PTPRD: variants seen among roughly 807,000 people sequenced by gnomAD.
The protein encoded by PTPRD is receptor-type tyrosine-protein phosphatase delta.
PTPRD carries 34 observed loss-of-function variants against 214.5 expected under a neutral mutation model. The observed-to-expected ratio is 0.16, with a 90% confidence interval of 0.12 to 0.21. The LOEUF is 0.21. Ranked by LOEUF, PTPRD falls within the 10% of genes least tolerant of loss-of-function variation. The pLI is 1.00. For synonymous variants in PTPRD, 1,128 were observed against 845.7 expected, an observed-to-expected ratio of 1.33 and a Z score of -5.79; for missense variants, 2,545 against 2,398.7, an observed-to-expected ratio of 1.06 and a Z score of -1.27.
At chr9:9,228,506 T>A (rs1412750380) in intron 9 of PTPRD, among the ~76,000 whole-genome samples, 1 of 152,128 alleles carries the variant, frequency 6.6e-6, no homozygotes, top group Non-Finnish European at 1.5e-5. Flanking sequence ...TGAATGTGTG[T>A]GATCATATAT....
At chr9:9,139,707 C>T (rs959267888) in intron 10 of PTPRD, among the ~76,000 whole-genome samples, 6 of 152,126 alleles carry the variant, frequency 3.9e-5, no homozygotes, top group Admixed American at 3.9e-4. Flanking sequence ...TATGCATTGT[C>T]TATTTCTATC....
At chr9:8,523,391 C>A in intron 19 of PTPRD, 122 bp downstream of exon 19, 1 of 1,219,050 alleles carries the variant, frequency 8.2e-7, no homozygotes, top group East Asian at 2.5e-5. Context: ...GCATTCTCTG[C>A]TAAAACATAC....
At chr9:10,502,742 G>C (rs1658120181) in intron 2 of PTPRD, among the ~76,000 whole-genome samples, 1 of 152,002 alleles carries the variant, frequency 6.6e-6, no homozygotes, top group African/African-American at 2.4e-5. Context: ...TTATACTGTT[G>C]CATGTAGTTA....
chr9:8,608,697 T>G (rs529582220), intron 14 of PTPRD, among the ~76,000 whole-genome samples: 3 of 152,250 alleles, frequency 2.0e-5, no homozygotes, highest in African/African-American at 7.2e-5. Flanking sequence ...ATTAGAGTAC[T>G]GACGGCAAAT....
chr9:9,274,019 C>G (rs997309679), intron 9 of PTPRD, among the ~76,000 whole-genome samples: 1 of 151,228 alleles, frequency 6.6e-6, no homozygotes. Context: ...ATCCTATAAT[C>G]CAACAAAATG....
chr9:8,777,718 T>C (rs1162158980), intron 11 of PTPRD, among the ~76,000 whole-genome samples: 2 of 148,946 alleles, frequency 1.3e-5, no homozygotes, highest in Admixed American at 6.6e-5. Flanking sequence ...TGGTCATATA[T>C]TAAATTGAAT....
At chr9:10,347,397 T>G (rs2097103504) in intron 2 of PTPRD, among the ~76,000 whole-genome samples, 1 of 151,700 alleles carries the variant, frequency 6.6e-6, no homozygotes, top group Admixed American at 6.6e-5. Context: ...GTCCATCATC[T>G]TAGCTATTTG....
chr9:8,742,085 T>C (rs1356208179), intron 11 of PTPRD, among the ~76,000 whole-genome samples: 2 of 152,170 alleles, frequency 1.3e-5, no homozygotes, highest in Non-Finnish European at 2.9e-5. Flanking sequence ...ATTTCACTTT[T>C]AATAACCTAT....
At chr9:9,474,104 A>G (rs1258702203) in intron 8 of PTPRD, among the ~76,000 whole-genome samples, 1 of 151,956 alleles carries the variant, frequency 6.6e-6, no homozygotes, top group East Asian at 1.9e-4. Context: ...TCTTAGTTTA[A>G]GTCTTTATGC....
intron 7 of PTPRD, among the ~76,000 whole-genome samples, chr9:9,696,468 T>C (rs960063752): frequency 6.6e-5 from 10 of 152,132 alleles, no homozygotes; most frequent in African/African-American, 2.4e-4. Flanking sequence ...GTTTGCTTTT[T>C]ATAATTGGGT....
chr9:9,492,095 T>C (rs746160479), intron 8 of PTPRD, among the ~76,000 whole-genome samples: 2 of 151,864 alleles, frequency 1.3e-5, no homozygotes, highest in Non-Finnish European at 1.5e-5. Context: ...AAAAGGATTA[T>C]AAGAGAATAC....
chr9:8,739,240 A>G (rs2091295792), intron 11 of PTPRD, among the ~76,000 whole-genome samples: 1 of 152,222 alleles, frequency 6.6e-6, no homozygotes, highest in Non-Finnish European at 1.5e-5. Context: ...CAACACAAGT[A>G]CATGAAAAGA....
At chr9:8,486,845 A>ATCT (rs1440309958) in intron 27 of PTPRD, among the ~76,000 whole-genome samples, 5 of 152,308 alleles carry the variant, frequency 3.3e-5, no homozygotes, top group Middle Eastern at 3.4e-3. Context: ...TATTATCTCT[A>ATCT]TCTTCTATAA....
intron 2 of PTPRD, among the ~76,000 whole-genome samples, chr9:10,567,150 T>TG (rs1201889295): frequency 6.6e-6 from 1 of 152,072 alleles, no homozygotes; most frequent in Non-Finnish European, 1.5e-5. Flanking sequence ...GAACTACCAG[T>TG]GCCTTTAAGA....
intron 11 of PTPRD, among the ~76,000 whole-genome samples, chr9:8,905,464 C>T (rs1412093155): frequency 2.0e-5 from 3 of 151,924 alleles, no homozygotes; most frequent in African/African-American, 4.8e-5. Flanking sequence ...GCCAGCCGGA[C>T]GTCGTGGCTC....
chr9:9,271,993 T>C (rs1943126888), intron 9 of PTPRD, among the ~76,000 whole-genome samples: 1 of 151,352 alleles, frequency 6.6e-6, no homozygotes, highest in Admixed American at 6.6e-5. Flanking sequence ...GTTGTAGCAC[T>C]TTATGACAGA....
chr9:8,628,151 C>T (rs910271210), intron 14 of PTPRD, among the ~76,000 whole-genome samples: 1 of 151,712 alleles, frequency 6.6e-6, no homozygotes, highest in Non-Finnish European at 1.5e-5. Context: ...GATCTCCAGC[C>T]GAGACCACTT....
intron 9 of PTPRD, among the ~76,000 whole-genome samples, chr9:9,329,881 A>T (rs1287443436): frequency 6.6e-6 from 1 of 152,214 alleles, no homozygotes; most frequent in Non-Finnish European, 1.5e-5. Flanking sequence ...GTTCTACATA[A>T]GCCAATTCCC....
At chr9:8,520,483 T>C (rs1417846992) in intron 20 of PTPRD, among the ~76,000 whole-genome samples, 1 of 152,104 alleles carries the variant, frequency 6.6e-6, no homozygotes, top group African/African-American at 2.4e-5. Flanking sequence ...GCCTACAACA[T>C]TGCCTAGGAA....
Sources: allele counts gnomAD v4.1 joint callset (sites outside exome capture counted in the v4.1 genomes callset), GRCh38; gene constraint gnomAD v4.1.1; transcripts MANE v1.5; gene names NCBI Gene and HGNC (gene_info 2026-07-23, HGNC 2026-07-21).